Variants in TAFA1 observed in about 807,000 individuals in gnomAD.
TAFA1 encodes the protein TAFA chemokine like family member 1.
TAFA1 carries 4 observed loss-of-function variants against 18.5 expected under a neutral mutation model. The observed-to-expected ratio is 0.22, with a 90% confidence interval of 0.11 to 0.49. The LOEUF (loss-of-function observed/expected upper bound fraction) is 0.49, where lower values mean the gene tolerates loss of function less well. Ranked by LOEUF, TAFA1 falls within the 20% of genes least tolerant of loss-of-function variation. The pLI is 0.98. For missense variants in TAFA1, 147 were observed against 169.0 expected (o/e 0.87, Z 0.72); for synonymous variants, 56 against 55.2 (o/e 1.01, Z -0.06).
rs1232810809 is a variant in TAFA1, at chr3:68,124,759, G to A, written c.118+118015G>A. 2.0e-5 allele frequency among the ~76,000 whole-genome samples: 3 copies of A among 152,218 alleles called. No homozygotes were observed. In the East Asian group the frequency reaches 5.8e-4, roughly 29 times the overall value. ...TGAACCAAGTCAGTCTAGGTCCAGA[G>A]CCTGTGCTCCTAGCCCCTTGAGTGA... On this transcript the variant is annotated intron_variant, in intron 2 of 4. Transcript: ENST00000478136.
At chr3:68,214,316 G>A (rs1399068150) in intron 2 of TAFA1, among the ~76,000 whole-genome samples, 2 of 152,108 alleles carry the variant, frequency 1.3e-5, no homozygotes, top group East Asian at 3.9e-4. Context: ...ATCAGGAATT[G>A]ATCTCTGAGT....
chr3:68,389,458 G>T (rs931937316), intron 2 of TAFA1, among the ~76,000 whole-genome samples: 1 of 152,128 alleles, frequency 6.6e-6, no homozygotes, highest in Non-Finnish European at 1.5e-5. Context: ...AATATCAATA[G>T]AAGAGATTTT....
chr3:68,403,303 A>G (rs1460987399), intron 2 of TAFA1, among the ~76,000 whole-genome samples: 6 of 152,354 alleles, frequency 3.9e-5, no homozygotes, highest in Admixed American at 3.9e-4. Flanking sequence ...ACTGTATAGT[A>G]CGCTTTGTTA....
intron 2 of TAFA1, among the ~76,000 whole-genome samples, chr3:68,366,146 A>T (rs1230693488): frequency 6.6e-6 from 1 of 151,922 alleles, no homozygotes; most frequent in Non-Finnish European, 1.5e-5. Context: ...TACCATGAAA[A>T]CCATATTGGG....
chr3:68,159,662 C>G (rs763328257), intron 2 of TAFA1, among the ~76,000 whole-genome samples: 29 of 152,138 alleles, frequency 1.9e-4, no homozygotes, highest in Non-Finnish European at 3.8e-4. Context: ...TCTCAACCAC[C>G]AGGAGGTTGC....
intron 2 of TAFA1, among the ~76,000 whole-genome samples, chr3:68,164,376 T>C (rs186830830): frequency 1.2e-3 from 185 of 152,338 alleles, no homozygotes; most frequent in African/African-American, 4.1e-3. Flanking sequence ...TTGTAACTTA[T>C]GCTATCACCT....
intron 2 of TAFA1, among the ~76,000 whole-genome samples, chr3:68,163,891 A>C (rs1389306924): frequency 2.6e-5 from 4 of 152,212 alleles, no homozygotes; most frequent in Non-Finnish European, 5.9e-5. Flanking sequence ...ACACACTTCC[A>C]GGACAAAAAG....
chr3:68,396,693 G>A lies in TAFA1; in HGVS notation c.119-20587G>A, dbSNP rs536883880. Among the ~76,000 whole-genome samples, 5 of 152,234 alleles carry A rather than the reference G, an allele frequency of 3.3e-5. No homozygotes were observed. The East Asian group carries it at 9.7e-4, about 29-fold the overall frequency. ...GACATTTCTGCATACTTCTTCAATG[G>A]ATGTATTTGTTATTCTTGGGCATAT... is the stretch of plus-strand genomic sequence containing the variant. On this transcript the variant is annotated intron_variant, in intron 2 of 4. Coordinates refer to ENST00000478136, the MANE Select transcript of TAFA1 (RefSeq NM_213609.4).
intron 2 of TAFA1, among the ~76,000 whole-genome samples, chr3:68,105,771 A>T (rs2065195700): frequency 6.6e-6 from 1 of 152,290 alleles, no homozygotes; most frequent in African/African-American, 2.4e-5. Context: ...TTAAGGGGAT[A>T]CAGTGATGTT....
At chr3:68,185,657 C>G (rs2066260756) in intron 2 of TAFA1, among the ~76,000 whole-genome samples, 1 of 152,032 alleles carries the variant, frequency 6.6e-6, no homozygotes, top group South Asian at 2.1e-4. Flanking sequence ...CACCTGTAAT[C>G]CCAGCACTTT....
chr3:68,148,419 C>T (rs954160545), intron 2 of TAFA1, among the ~76,000 whole-genome samples: 1 of 152,176 alleles, frequency 6.6e-6, no homozygotes, highest in African/African-American at 2.4e-5. Flanking sequence ...ATCAGTTTGG[C>T]TCAGAAAGTT....
intron 2 of TAFA1, among the ~76,000 whole-genome samples, chr3:68,195,700 G>A (rs938805762): frequency 1.3e-5 from 2 of 151,646 alleles, no homozygotes; most frequent in African/African-American, 4.8e-5. Flanking sequence ...CCTGTTTTCA[G>A]CCATCCCTAG....
intron 2 of TAFA1, among the ~76,000 whole-genome samples, chr3:68,401,499 C>G (rs919056176): frequency 1.3e-5 from 2 of 152,160 alleles, no homozygotes; most frequent in Non-Finnish European, 2.9e-5. Context: ...AACATAGTGT[C>G]AGGAGGTGCT....
At chr3:68,315,028 G>T (rs2068584747) in intron 2 of TAFA1, among the ~76,000 whole-genome samples, 1 of 151,804 alleles carries the variant, frequency 6.6e-6, no homozygotes. Flanking sequence ...TTTCTTCTCT[G>T]TTAAAGAGAA....
intron 2 of TAFA1, among the ~76,000 whole-genome samples, chr3:68,259,023 G>A (rs1207850214): frequency 3.3e-5 from 5 of 152,164 alleles, no homozygotes; most frequent in East Asian, 3.9e-4. Context: ...AAAGGCACAC[G>A]TGGGCAGGGA....
chr3:68,531,178 G>T (rs184491536), intron 3 of TAFA1, among the ~76,000 whole-genome samples: 1 of 152,226 alleles, frequency 6.6e-6, no homozygotes, highest in East Asian at 1.9e-4. Context: ...AAATGGGTTA[G>T]TGATAATACC....
intron 3 of TAFA1, among the ~76,000 whole-genome samples, chr3:68,508,957 T>C (rs1177356508): frequency 6.6e-6 from 1 of 151,916 alleles, no homozygotes; most frequent in East Asian, 1.9e-4. Flanking sequence ...GATAGCATCA[T>C]GGTGTGGGTG....
chr3:68,050,846 G>T (rs923342583), intron 2 of TAFA1, among the ~76,000 whole-genome samples: 1 of 152,162 alleles, frequency 6.6e-6, no homozygotes, highest in Non-Finnish European at 1.5e-5. Flanking sequence ...GTAAATGAAT[G>T]GTTGTGGCTG....
At chr3:68,047,605 T>C (rs1674222624) in intron 2 of TAFA1, among the ~76,000 whole-genome samples, 1 of 152,134 alleles carries the variant, frequency 6.6e-6, no homozygotes. Context: ...CTGAGTGGAT[T>C]GGTTACACTA....
Sources: gnomAD v4.1 joint callset for allele counts (sites outside exome capture counted in the v4.1 genomes callset) on GRCh38, gnomAD v4.1.1 for gene constraint, MANE v1.5 for transcripts, NCBI Gene and HGNC (gene_info 2026-07-23, HGNC 2026-07-21) for gene names.